The following UMPS variants were observed in gnomAD, a reference collection of about 807,000 sequenced individuals.
UMPS encodes the protein uridine monophosphate synthetase.
Under a neutral mutation model 38.9 loss-of-function variants are expected in UMPS, and 21 were observed. The ratio of observed to expected loss-of-function variants is 0.54; its 90% CI spans 0.38 to 0.78. The LOEUF (loss-of-function observed/expected upper bound fraction) is 0.78, where lower values mean the gene tolerates loss of function less well. UMPS is among the 30% of genes least tolerant of loss of function. The pLI, the probability that UMPS is intolerant of heterozygous loss-of-function variation, is 0.00. For synonymous variants in UMPS, 208 were observed against 219.3 expected, an observed-to-expected ratio of 0.95 and a Z score of 0.45; for missense variants, 533 against 591.6, an observed-to-expected ratio of 0.90 and a Z score of 1.03.
Position 124,740,022 on chromosome 3 carries a change from A to C in UMPS, c.983-2A>C. 6.2e-7 allele frequency: 1 copy of C among 1,614,102 alleles called. No individual in the cohort carries two copies. The highest frequency in any genetic ancestry group is 8.5e-7 in the Non-Finnish European group (1 of 1,179,998). ...AATATCTTTTTTCCCCCTTCTTCTTAGGAGGTATCTTTAAAATAGCTTCCT... is the reference window on the plus strand; with the variant it reads ...AATATCTTTTTTCCCCCTTCTTCTTCGGAGGTATCTTTAAAATAGCTTCCT... On this transcript the variant is annotated splice_acceptor_variant, in intron 3 of 5. Transcript: ENST00000232607. LOFTEE classifies it high-confidence loss of function.
chr3:124,749,081 G>A lies in UMPS; in HGVS notation c.*4997G>A, dbSNP rs1287144476. The A allele has an allele frequency of 4.4e-6, 2 of 454,024 alleles. No individual in the cohort carries two copies. The highest frequency in any genetic ancestry group is 8.8e-6 in the Non-Finnish European group (2 of 226,804). The allele number at this position is 454,024 out of a possible 1,614,324, so 28.1% of individuals were successfully genotyped here. A position where few individuals can be genotyped will look rare whatever the true frequency, so the allele number is the denominator to read the frequency against. On this transcript the variant is annotated 3_prime_UTR_variant, in exon 6 of 6. Coordinates refer to ENST00000232607, the MANE Select transcript of UMPS (RefSeq NM_000373.4). ...CCTGCACTTAGCAGCCCTGCAGGGT[G>A]AGACTTGGGGAGGATCCTGAAATGA...
At position 124,746,529 on chromosome 3, in the gene UMPS, G is replaced by A. The variant is rs887924599; in HGVS notation, c.*2445G>A. The stretch of plus-strand genomic sequence containing the variant: ...TGGGCTATACAAGCGCTGTTCTTCA[G>A]CATTGAAGTATTTTGGAGGCATTAG... On this transcript the variant is annotated 3_prime_UTR_variant, in exon 6 of 6. Coordinates refer to ENST00000232607, the MANE Select transcript of UMPS (RefSeq NM_000373.4). 3 of 454,134 alleles carry A rather than the reference G, an allele frequency of 6.6e-6. No homozygotes were observed. Among genetic ancestry groups the A allele is most frequent in the African/African-American group, 2.0e-5 (1 of 50,132 alleles). The allele number at this position is 454,134 out of a possible 1,614,324, so 28.1% of individuals were successfully genotyped here. A position where few individuals can be genotyped will look rare whatever the true frequency, so the allele number is the denominator to read the frequency against.
In UMPS at chr3:124,748,821, G is replaced by C. The variant is rs2063623097; in HGVS notation, c.*4737G>C. 5.0e-6 allele frequency: 2 copies of C among 402,018 alleles called. No homozygotes were observed. Among genetic ancestry groups the C allele is most frequent in the South Asian group, 3.7e-5 (2 of 54,058 alleles). 24.9% of individuals were successfully genotyped at this position (402,018 alleles called of 1,614,324 possible). ...GTGGCCTGAGCTTCCTGTGGCTCCAGAGTAACATTATAGAGAAGCTGAATT... is the reference window on the plus strand; with the variant it reads ...GTGGCCTGAGCTTCCTGTGGCTCCACAGTAACATTATAGAGAAGCTGAATT... On this transcript the variant is annotated 3_prime_UTR_variant, in exon 6 of 6. Transcript: ENST00000232607.
At chr3:124,739,046 T>C (rs1241480427) in intron 3 of UMPS, among the ~76,000 whole-genome samples, 1 of 152,260 alleles carries the variant, frequency 6.6e-6, no homozygotes, top group Non-Finnish European at 1.5e-5. Flanking sequence ...GATTTGTCTT[T>C]AAGTGACTTC....
At position 124,730,634 on chromosome 3, in the gene UMPS, G is replaced by A; in HGVS notation, c.156+7G>A. The A allele has an allele frequency of 6.2e-7, 1 of 1,610,980 alleles. No individual in the cohort carries two copies. Among genetic ancestry groups the A allele is most frequent in the South Asian group, 1.1e-5 (1 of 90,960 alleles). The stretch of plus-strand genomic sequence containing the variant: ...ACCGCGTCTTCTGAGTCAGGTGCTG[G>A]CCTAGGAAGGGAAAGGACAGGGCTT... On this transcript the variant is annotated splice_region_variant and intron_variant, in intron 1 of 5. Transcript: ENST00000232607.
intron 3 of UMPS, among the ~76,000 whole-genome samples, chr3:124,739,083 C>T (rs1231700128): frequency 1.3e-5 from 2 of 152,204 alleles, no homozygotes; most frequent in Non-Finnish European, 2.9e-5. Flanking sequence ...GTCCTGCCCT[C>T]ATCACATTGC....
At chr3:124,735,330 G>C in intron 2 of UMPS, 84 bp downstream of exon 2, 1 of 1,251,536 alleles carries the variant, frequency 8.0e-7, no homozygotes, top group Non-Finnish European at 1.1e-6. Context: ...GTGCACTAAT[G>C]TTTTACCAGT....
At position 124,747,472 on chromosome 3, in the gene UMPS, C is replaced by T. The variant is rs1472192645; in HGVS notation, c.*3388C>T. ...GAACCCAAACTCTCGTGTTTCTGCT[C>T]ACCCCTCTCTGGCTTCTGCCACCAC... On this transcript the variant is annotated 3_prime_UTR_variant, in exon 6 of 6. Coordinates refer to ENST00000232607, the MANE Select transcript of UMPS (RefSeq NM_000373.4). 1 of 454,138 alleles carries T rather than the reference C, an allele frequency of 2.2e-6. No homozygotes were observed. 28.1% of individuals were successfully genotyped at this position (454,138 alleles called of 1,614,324 possible). A position where few individuals can be genotyped will look rare whatever the true frequency, so the allele number is the denominator to read the frequency against.
In UMPS at chr3:124,746,582, A is replaced by G. The variant is rs558552094; in HGVS notation, c.*2498A>G. The G allele has an allele frequency of 1.8e-5, 8 of 454,052 alleles. No homozygotes were observed. The highest frequency in any genetic ancestry group is 1.2e-4 in the South Asian group (8 of 64,470). 28.1% of individuals were successfully genotyped at this position (454,052 alleles called of 1,614,324 possible). A position where few individuals can be genotyped will look rare whatever the true frequency, so the allele number is the denominator to read the frequency against. The stretch of plus-strand genomic sequence containing the variant: ...AGTTTAACCCTTTCTCAGTCAAGGA[A>G]TATTTACAGAACATGATCTCTGGGC... On this transcript the variant is annotated 3_prime_UTR_variant, in exon 6 of 6. Coordinates refer to ENST00000232607, the MANE Select transcript of UMPS (RefSeq NM_000373.4).
In UMPS at chr3:124,743,845, C is replaced by A. The variant is rs541260472; in HGVS notation, c.1274-70C>A. ...ATTTAAAGCTGGTTAGATACTTTTT[C>A]AGAGAAGTCATGTGACAGGTTTTCT... On this transcript the variant is annotated intron_variant, in intron 5 of 5. Coordinates refer to ENST00000232607, the MANE Select transcript of UMPS (RefSeq NM_000373.4). 4 of 1,591,548 alleles carry A rather than the reference C, an allele frequency of 2.5e-6. No homozygotes were observed. In the South Asian group the frequency reaches 3.4e-5, roughly 13 times the overall value.
rs145382799 is a variant in UMPS, at chr3:124,737,576, C to T, written c.319C>T (p.Arg107Cys). The T allele has an allele frequency of 9.9e-5, 159 of 1,613,984 alleles. No homozygotes were observed. Among genetic ancestry groups the T allele is most frequent in the Non-Finnish European group, 1.3e-4 (149 of 1,180,028 alleles). ...AATTTTTTCTTTTCTAGGAACTAAG[C>T]GTCTTGTAGAAGGAACTATTAATCC... ...RKETKDYGTK[R>C]LVEGTINPGE... Residue 107 changes from arginine to cysteine, a missense_variant, in exon 3 of 6, where the codon CGT becomes TGT. Physicochemically the swap from Arg to Cys is radical, Grantham distance 180. Transcript: ENST00000232607.
At position 124,735,156 on chromosome 3, in the gene UMPS, G is replaced by T; in HGVS notation, c.220G>T (p.Val74Leu). 6.2e-7 allele frequency: 1 copy of T among 1,614,146 alleles called. No individual in the cohort carries two copies. Among genetic ancestry groups the T allele is most frequent in the Non-Finnish European group, 8.5e-7 (1 of 1,180,010 alleles). The change falls in exon 2 of 6, where the codon GTG (valine) becomes TTG (leucine). Residue 74 changes from valine to leucine, a missense_variant. Physicochemically the swap from Val to Leu is conservative, Grantham distance 32. Transcript: ENST00000232607. ...CATCAGTTTTGACACCGTGTGTGGA[G>T]TGCCTTATACAGCTTTGCCATTGGC... The part of the protein sequence containing the change: ...AGISFDTVCG[V>L]PYTALPLATV...
Position 124,745,374 on chromosome 3 carries a change from T to C in UMPS, c.*1290T>C, listed in dbSNP as rs1182812993. Reference sequence around the variant, plus strand: ...ACTCAGAGGAATGCCTAGGATTTTTTTTTTTTTTTGAGACAGAATCTCACT... The same window carrying C: ...ACTCAGAGGAATGCCTAGGATTTTTCTTTTTTTTTGAGACAGAATCTCACT... On this transcript the variant is annotated 3_prime_UTR_variant, in exon 6 of 6. Transcript: ENST00000232607. 5.3e-5 allele frequency: 24 copies of C among 453,726 alleles called. No homozygotes were observed. Among genetic ancestry groups the C allele is most frequent in the African/African-American group, 4.8e-4 (24 of 49,846 alleles). 28.1% of individuals were successfully genotyped at this position (453,726 alleles called of 1,614,324 possible). A position where few individuals can be genotyped will look rare whatever the true frequency, so the allele number is the denominator to read the frequency against.
In UMPS at chr3:124,744,229, T is replaced by TG. The variant is rs2063579571; in HGVS notation, c.*147dup. The stretch of plus-strand genomic sequence containing the variant: ...GTAAGAATGGGTTCTGGAGTTCTCA[T>TG]GGTCTTTAGGAAATATTGAGTAATT... On this transcript the variant is annotated 3_prime_UTR_variant, in exon 6 of 6. Coordinates refer to ENST00000232607, the MANE Select transcript of UMPS (RefSeq NM_000373.4). The TG allele has an allele frequency of 1.1e-6, 1 of 922,480 alleles. No individual in the cohort carries two copies. Among genetic ancestry groups the TG allele is most frequent in the Non-Finnish European group, 1.7e-6 (1 of 586,452 alleles). 57.1% of individuals were successfully genotyped at this position (922,480 alleles called of 1,614,324 possible).
Position 124,743,463 on chromosome 3 carries a change from C to G in UMPS, c.1274-452C>G, listed in dbSNP as rs2150901761. Among the ~76,000 whole-genome samples the G allele has an allele frequency of 2.0e-5, 3 of 151,670 alleles. 1 individual carries two copies. The South Asian group carries it at 6.3e-4, about 32-fold the overall frequency. ...CCATCCTGGCTAACACGGTGAAACTCCATCTCTACTAAAAAATACAAAAAA... is the reference window on the plus strand; with the variant it reads ...CCATCCTGGCTAACACGGTGAAACTGCATCTCTACTAAAAAATACAAAAAA... On this transcript the variant is annotated intron_variant, in intron 5 of 5. Transcript: ENST00000232607.
At chr3:124,742,304 C>T in intron 5 of UMPS, 38 bp downstream of exon 5, 1 of 1,465,192 alleles carries the variant, frequency 6.8e-7, no homozygotes, top group East Asian at 2.3e-5. Context: ...TCCAAAAATG[C>T]TTCTTTACCC....
Position 124,730,592 on chromosome 3 carries a change from C to T in UMPS, c.121C>T (p.Arg41Trp), listed in dbSNP as rs2150889408. The T allele has an allele frequency of 2.5e-6, 4 of 1,612,370 alleles. No individual in the cohort carries two copies. Among genetic ancestry groups the T allele is most frequent in the Middle Eastern group, 1.7e-4 (1 of 6,054 alleles). Reference sequence around the variant, plus strand: ...TTCCTCCCCCATCTACATCGATCTGCGGGGCATCGTGTCTCGACCGCGTCT... The same window carrying T: ...TTCCTCCCCCATCTACATCGATCTGTGGGGCATCGTGTCTCGACCGCGTCT... Reference protein sequence around the residue: ...GLSSPIYIDLRGIVSRPRLLS... With the variant: ...GLSSPIYIDLWGIVSRPRLLS... The change falls in exon 1 of 6, where the codon CGG becomes TGG. Residue 41 changes from arginine (R) to tryptophan (W), a missense_variant. By Grantham distance (101) the Arg-to-Trp change is moderately radical. Coordinates refer to ENST00000232607, the MANE Select transcript of UMPS (RefSeq NM_000373.4).
At chr3:124,732,967 GGTGTGTGT>G (rs61383415) in intron 1 of UMPS, among the ~76,000 whole-genome samples, 17 of 147,738 alleles carry the variant, frequency 1.2e-4, no homozygotes, top group South Asian at 6.5e-4. Context: ...ACTAGATCAT[GGTGTGTGT>G]GTGTGTGTGT....
At position 124,731,522 on chromosome 3, in the gene UMPS, G is replaced by A. The variant is rs17843787; in HGVS notation, c.156+895G>A. On this transcript the variant is annotated intron_variant, in intron 1 of 5. Transcript: ENST00000232607. ...ATTTTTTAGATGGGATCTCTCTTAC[G>A]TCACCCAGGCTGGAGTGCAGCTCTG... 8,923 of 433,852 alleles carry A rather than the reference G, an allele frequency of 0.021. 122 individuals are homozygous for A. Among genetic ancestry groups the A allele is most frequent in the Middle Eastern group, 0.041 (96 of 2,330 alleles). 26.9% of individuals were successfully genotyped at this position (433,852 alleles called of 1,614,324 possible). A position where few individuals can be genotyped will look rare whatever the true frequency, so the allele number is the denominator to read the frequency against.
Sources: gnomAD v4.1 joint callset for allele counts (sites outside exome capture counted in the v4.1 genomes callset) on GRCh38, gnomAD v4.1.1 for gene constraint, MANE v1.5 for transcripts, NCBI Gene and HGNC (gene_info 2026-07-23, HGNC 2026-07-21) for gene names.